TMEM108: variants seen among roughly 807,000 people sequenced by gnomAD.
TMEM108 encodes cancer/testis antigen 124.
In TMEM108, 12 loss-of-function variants were observed where a neutral mutation model predicts 35.1. The ratio of observed to expected loss-of-function variants is 0.34; its 90% CI spans 0.22 to 0.55. The LOEUF is 0.55. Among genes scored for constraint, TMEM108 ranks in the 20% least tolerant of loss-of-function variants. TMEM108 has a pLI of 0.89. For synonymous variants in TMEM108, 287 were observed against 308.6 expected, an observed-to-expected ratio of 0.93 and a Z score of 0.73; for missense variants, 680 against 753.3, an observed-to-expected ratio of 0.90 and a Z score of 1.14.
chr3:133,166,702 C>A (rs1039228943), intron 2 of TMEM108, among the ~76,000 whole-genome samples: 8 of 152,186 alleles, frequency 5.3e-5, no homozygotes, highest in African/African-American at 1.9e-4. Context: ...AGTGAAGCTG[C>A]AGACCTGCGC....
chr3:133,174,138 C>T (rs1260330697), intron 2 of TMEM108, among the ~76,000 whole-genome samples: 1 of 152,236 alleles, frequency 6.6e-6, no homozygotes, highest in Non-Finnish European at 1.5e-5. Context: ...GGGAGGGTGC[C>T]TGCCATTGCT....
chr3:133,148,971 T>C (rs1250714879), intron 2 of TMEM108, among the ~76,000 whole-genome samples: 1 of 152,184 alleles, frequency 6.6e-6, no homozygotes, highest in African/African-American at 2.4e-5. Flanking sequence ...CACTCCAGCC[T>C]GGGTGACAGA....
intron 2 of TMEM108, among the ~76,000 whole-genome samples, chr3:133,060,494 G>C (rs1943522911): frequency 1.3e-5 from 2 of 152,136 alleles, no homozygotes; most frequent in Admixed American, 6.5e-5. Flanking sequence ...GCTATTCTAT[G>C]AATAGCTTAC....
chr3:133,379,968 C>G lies in TMEM108; in HGVS notation c.257C>G (p.Pro86Arg). ...GCAGCTCCCATGGCAACACCGACAC[C>G]CCGTGCAGAGGGGCACCCTCCTACG... ...QAAAPMATPT[P>R]RAEGHPPTHT... Residue 86 changes from proline to arginine, a missense_variant, in exon 4 of 6, where the codon CCC (proline) becomes CGC (arginine). By Grantham distance (103) the Pro-to-Arg change is moderately radical (BLOSUM62 -2). Coordinates refer to ENST00000321871, the MANE Select transcript of TMEM108 (RefSeq NM_023943.4). The G allele has an allele frequency of 6.2e-7, 1 of 1,613,988 alleles. No homozygotes were observed. The highest frequency in any genetic ancestry group is 2.2e-5 in the East Asian group (1 of 44,854).
chr3:133,125,704 G>T (rs1441608591), intron 2 of TMEM108, among the ~76,000 whole-genome samples: 5 of 152,116 alleles, frequency 3.3e-5, no homozygotes, highest in Admixed American at 3.3e-4. Context: ...TTTTACTTGT[G>T]CATATGAAGT....
At chr3:133,127,510 G>T (rs779340663) in intron 2 of TMEM108, among the ~76,000 whole-genome samples, 2 of 152,098 alleles carry the variant, frequency 1.3e-5, no homozygotes, top group Non-Finnish European at 2.9e-5. Flanking sequence ...TTCCATTCAG[G>T]CTATATTAGA....
chr3:133,073,068 T>A (rs1943695065), intron 2 of TMEM108, among the ~76,000 whole-genome samples: 1 of 152,160 alleles, frequency 6.6e-6, no homozygotes, highest in Non-Finnish European at 1.5e-5. Flanking sequence ...TATGTATACA[T>A]TGTGGAATGG....
At chr3:133,344,478 G>A (rs1165102906) in intron 3 of TMEM108, among the ~76,000 whole-genome samples, 2 of 151,306 alleles carry the variant, frequency 1.3e-5, no homozygotes, top group Non-Finnish European at 3.0e-5. Flanking sequence ...AAAGCAAAAA[G>A]ATATATATCC....
At chr3:133,185,180 A>G (rs1376887196) in intron 2 of TMEM108, among the ~76,000 whole-genome samples, 1 of 152,144 alleles carries the variant, frequency 6.6e-6, no homozygotes, top group African/African-American at 2.4e-5. Flanking sequence ...TATTATCTTT[A>G]TTATCGTATT....
intron 3 of TMEM108, among the ~76,000 whole-genome samples, chr3:133,358,237 T>A (rs1484464999): frequency 6.6e-6 from 1 of 151,606 alleles, no homozygotes; most frequent in Non-Finnish European, 1.5e-5. Flanking sequence ...AGTGGTACAG[T>A]CTCAACTCAC....
chr3:133,363,867 A>C (rs2072428705), intron 3 of TMEM108, among the ~76,000 whole-genome samples: 1 of 152,350 alleles, frequency 6.6e-6, no homozygotes, highest in African/African-American at 2.4e-5. Flanking sequence ...TCAATACAAA[A>C]ATTAATGGAA....
intron 3 of TMEM108, among the ~76,000 whole-genome samples, chr3:133,272,050 G>T (rs1467325722): frequency 3.9e-5 from 6 of 152,198 alleles, no homozygotes; most frequent in Non-Finnish European, 8.8e-5. Flanking sequence ...GCTAAAGGAG[G>T]CCTCTTAGAG....
intron 2 of TMEM108, among the ~76,000 whole-genome samples, chr3:133,155,981 T>G (rs531958385): frequency 6.6e-6 from 1 of 152,200 alleles, no homozygotes; most frequent in East Asian, 1.9e-4. Context: ...AGGTTTCACA[T>G]TTAGGTCTTT....
chr3:133,227,249 G>C (rs1376417068), intron 2 of TMEM108, among the ~76,000 whole-genome samples: 2 of 140,780 alleles, frequency 1.4e-5, no homozygotes, highest in Non-Finnish European at 3.1e-5. Context: ...CTGGAGTGCA[G>C]TGGCGCAATC....
At chr3:133,226,488 G>A (rs549563762) in intron 2 of TMEM108, among the ~76,000 whole-genome samples, 59 of 152,262 alleles carry the variant, frequency 3.9e-4, no homozygotes, top group African/African-American at 1.4e-3. Context: ...TTGGAATTTG[G>A]TATCTTGTTA....
intron 2 of TMEM108, among the ~76,000 whole-genome samples, chr3:133,173,651 C>G (rs563899039): frequency 3.3e-5 from 5 of 152,292 alleles, no homozygotes; most frequent in African/African-American, 1.2e-4. Context: ...GCAAAATGGT[C>G]TCCAAAGTTA....
chr3:133,335,509 T>C (rs1408316247), intron 3 of TMEM108, among the ~76,000 whole-genome samples: 1 of 152,148 alleles, frequency 6.6e-6, no homozygotes, highest in Admixed American at 6.5e-5. Context: ...GCAAAAGCTA[T>C]TTGAAGACAA....
chr3:133,090,192 T>C (rs1410411670), intron 2 of TMEM108, among the ~76,000 whole-genome samples: 1 of 152,210 alleles, frequency 6.6e-6, no homozygotes, highest in Non-Finnish European at 1.5e-5. Flanking sequence ...AGATTGTCAC[T>C]GTAGGATCTG....
chr3:133,224,535 G>A (rs891497802), intron 2 of TMEM108, among the ~76,000 whole-genome samples: 3 of 152,108 alleles, frequency 2.0e-5, no homozygotes, highest in Admixed American at 6.5e-5. Context: ...TTGAATCATG[G>A]GGGTGGTTTT....
Sources: allele counts gnomAD v4.1 joint callset (sites outside exome capture counted in the v4.1 genomes callset), GRCh38; gene constraint gnomAD v4.1.1; transcripts MANE v1.5; gene names NCBI Gene and HGNC (gene_info 2026-07-23, HGNC 2026-07-21).